The following RAB5A variants were observed in gnomAD, a reference collection of about 807,000 sequenced individuals.
RAB5A encodes the protein RAB5A, member RAS oncogene family.
In RAB5A, 8 loss-of-function variants were observed where a neutral mutation model predicts 25.7. That is an observed-to-expected ratio of 0.31 (90% CI 0.18 to 0.56). The LOEUF is 0.56. Among genes scored for constraint, RAB5A ranks in the 20% least tolerant of loss-of-function variants. The probability of loss-of-function intolerance (pLI) is 0.91; values close to 1 mark genes in which losing one functional copy is unlikely to be tolerated. For missense variants in RAB5A, 192 were observed against 259.7 expected (o/e 0.74, Z 1.79); for synonymous variants, 98 against 89.8 (o/e 1.09, Z -0.52).
At chr3:19,982,518 C>A (rs1164332410) in intron 5 of RAB5A, among the ~76,000 whole-genome samples, 1 of 152,106 alleles carries the variant, frequency 6.6e-6, no homozygotes, top group Non-Finnish European at 1.5e-5. Flanking sequence ...TATTTGAAGG[C>A]AGCTGATGGT....
rs75698958 is a variant in RAB5A at position 19,953,033 on chromosome 3, A to G, written c.163+1972A>G. ...GCCACGTAGGTTTGGGACTTACTAT[A>G]TGCTACTCTTCTCCTCTCTCTTTAT... On this transcript the variant is annotated intron_variant, in intron 2 of 5. Transcript: ENST00000273047. 7.7e-3 allele frequency among the ~76,000 whole-genome samples: 1,144 copies of G among 149,022 alleles called. 14 individuals are homozygous for G. Among genetic ancestry groups the G allele is most frequent in the Non-Finnish European group, 0.012 (803 of 68,014 alleles).
intron 2 of RAB5A, among the ~76,000 whole-genome samples, chr3:19,952,351 G>C: frequency 6.6e-6 from 1 of 152,316 alleles, no homozygotes; most frequent in South Asian, 2.1e-4. Context: ...ATATAATTAA[G>C]CAATGCTGTT....
At chr3:19,954,365 T>C (rs1263563972) in intron 2 of RAB5A, among the ~76,000 whole-genome samples, 1 of 152,216 alleles carries the variant, frequency 6.6e-6, no homozygotes. Context: ...ACATGAGTTA[T>C]TGTTCTGAAG....
intron 1 of RAB5A, 120 bp downstream of exon 1, chr3:19,947,641 A>C (rs1308762904): frequency 1.3e-5 from 2 of 152,440 alleles, no homozygotes. Context: ...CCTCACGCGC[A>C]GCAGTGCCCT....
chr3:19,975,477 A>G, intron 2 of RAB5A, 124 bp from the exon 3 acceptor site: 1 of 867,286 alleles, frequency 1.2e-6, no homozygotes, highest in East Asian at 2.8e-5. Context: ...ACTGACACAT[A>G]ATAGTTGTAC....
chr3:19,950,107 T>C (rs891981045), intron 1 of RAB5A, among the ~76,000 whole-genome samples: 1 of 152,186 alleles, frequency 6.6e-6, no homozygotes, highest in African/African-American at 2.4e-5. Flanking sequence ...ACAATTATTG[T>C]AAGTAAATAA....
intron 5 of RAB5A, 36 bp downstream of exon 5, chr3:19,978,439 A>T: frequency 6.9e-7 from 1 of 1,458,832 alleles, no homozygotes; most frequent in Admixed American, 1.9e-5. Flanking sequence ...GATCAATATA[A>T]GCAAAACAAG....
chr3:19,963,364 A>ATCC (rs1696615859), intron 2 of RAB5A, among the ~76,000 whole-genome samples: 1 of 60,960 alleles, frequency 1.6e-5, no homozygotes, highest in Non-Finnish European at 2.9e-5. Context: ...TTAGAATTTC[A>ATCC]CCCCCCCCCC....
At chr3:19,956,946 C>CTT (rs748433119) in intron 2 of RAB5A, among the ~76,000 whole-genome samples, 25,460 of 134,900 alleles carry the variant, frequency 0.19, 2,610 homozygotes, top group Non-Finnish European at 0.24. Flanking sequence ...GTTTTTTTTC[C>CTT]TTTTTTTTTT....
In RAB5A at chr3:19,965,913, A is replaced by G. The variant is rs79290796; in HGVS notation, c.164-9688A>G. Among the ~76,000 whole-genome samples, 319 of 152,090 alleles carry G rather than the reference A, an allele frequency of 2.1e-3. 1 individual carries two copies. The highest frequency in any genetic ancestry group is 7.1e-3 in the African/African-American group (293 of 41,512). ...ACACCTGTTTTGTATTTTTGTTAGT[A>G]GAAACGATTTCTCCATGTTGCCCGG... On this transcript the variant is annotated intron_variant, in intron 2 of 5. Transcript: ENST00000273047.
chr3:19,959,880 C>A (rs937760989), intron 2 of RAB5A, among the ~76,000 whole-genome samples: 1 of 152,092 alleles, frequency 6.6e-6, no homozygotes, highest in Non-Finnish European at 1.5e-5. Context: ...CCTGGCTTGG[C>A]CTCCCAAAGT....
In RAB5A at chr3:19,985,164, T is replaced by C. The variant is rs1307803705; in HGVS notation, c.*1341T>C. On this transcript the variant is annotated 3_prime_UTR_variant, in exon 6 of 6. Transcript: ENST00000273047. ...AGGTGCTCAGGTTGGAATAAAGTGG[T>C]ATAAAAAGCAAGTATCGGCTTTTCT... 1.6e-5 allele frequency: 8 copies of C among 485,720 alleles called. No homozygotes were observed. Among genetic ancestry groups the C allele is most frequent in the Non-Finnish European group, 2.5e-5 (7 of 279,036 alleles). 30.1% of individuals were successfully genotyped at this position (485,720 alleles called of 1,614,324 possible). A position where few individuals can be genotyped will look rare whatever the true frequency, so the allele number is the denominator to read the frequency against.
At chr3:19,969,054 T>TTG (rs1696706611) in intron 2 of RAB5A, among the ~76,000 whole-genome samples, 2 of 139,630 alleles carry the variant, frequency 1.4e-5, no homozygotes, top group Non-Finnish European at 3.1e-5. Flanking sequence ...GGTTTTTTTT[T>TTG]TTTTTTTGAG....
chr3:19,953,441 TCTGTCGCCCAGGCTGGAGTGCAGTG>T (rs1696453836), intron 2 of RAB5A, among the ~76,000 whole-genome samples: 1 of 148,956 alleles, frequency 6.7e-6, no homozygotes. Context: ...AGACAAGGTC[TCTGTCGCCCAGGCTGGAGTGCAGTG>T]GTGTAGCCCT....
intron 2 of RAB5A, among the ~76,000 whole-genome samples, chr3:19,974,791 C>T (rs1339314155): frequency 2.0e-5 from 3 of 151,704 alleles, no homozygotes; most frequent in African/African-American, 7.3e-5. Flanking sequence ...ACTAAATTGC[C>T]AGTGTGCGCC....
intron 2 of RAB5A, among the ~76,000 whole-genome samples, chr3:19,968,898 G>A (rs891055095): frequency 1.3e-5 from 2 of 152,160 alleles, no homozygotes; most frequent in Non-Finnish European, 2.9e-5. Flanking sequence ...TGGAATTTTA[G>A]TGAGATTATT....
chr3:19,950,245 G>T (rs985778439), intron 1 of RAB5A, among the ~76,000 whole-genome samples: 1 of 152,124 alleles, frequency 6.6e-6, no homozygotes, highest in Non-Finnish European at 1.5e-5. Flanking sequence ...AATATTTGTT[G>T]TCCAAAATTA....
At chr3:19,980,684 A>G (rs1696908852) in intron 5 of RAB5A, among the ~76,000 whole-genome samples, 1 of 152,178 alleles carries the variant, frequency 6.6e-6, no homozygotes, top group Non-Finnish European at 1.5e-5. Context: ...TATACAATAT[A>G]TAGTGCTATT....
intron 2 of RAB5A, among the ~76,000 whole-genome samples, chr3:19,963,156 T>C (rs547615330): frequency 6.6e-6 from 1 of 152,338 alleles, no homozygotes; most frequent in Admixed American, 6.5e-5. Context: ...GTTACTTCTA[T>C]GTAGATTTCT....
Sources: allele counts gnomAD v4.1 joint callset (sites outside exome capture counted in the v4.1 genomes callset), GRCh38; gene constraint gnomAD v4.1.1; transcripts MANE v1.5; gene names NCBI Gene and HGNC (gene_info 2026-07-23, HGNC 2026-07-21).